Variants in RCOR1 observed in about 807,000 individuals in gnomAD.
RCOR1 encodes REST corepressor 1.
A neutral mutation model predicts 64.0 loss-of-function variants in RCOR1; 12 were observed. The ratio of observed to expected loss-of-function variants is 0.19; its 90% CI spans 0.12 to 0.30. The LOEUF (loss-of-function observed/expected upper bound fraction) is 0.30, where lower values mean the gene tolerates loss of function less well. Among genes scored for constraint, RCOR1 ranks in the 10% least tolerant of loss-of-function variants. The pLI, the probability that RCOR1 is intolerant of heterozygous loss-of-function variation, is 1.00. For synonymous variants in RCOR1, 279 were observed against 227.2 expected, an observed-to-expected ratio of 1.23 and a Z score of -2.05; for missense variants, 502 against 621.2, an observed-to-expected ratio of 0.81 and a Z score of 2.04.
At chr14:102,659,691 C>G (rs1282673316) in intron 2 of RCOR1, among the ~76,000 whole-genome samples, 1 of 152,130 alleles carries the variant, frequency 6.6e-6, no homozygotes. Context: ...TGACTTCTTG[C>G]AAGGGTAATG....
chr14:102,648,283 C>T (rs530654052), intron 2 of RCOR1, among the ~76,000 whole-genome samples: 19 of 152,164 alleles, frequency 1.2e-4, no homozygotes, highest in African/African-American at 3.6e-4. Context: ...TTCACCATGT[C>T]GGCGAGGCTG....
intron 2 of RCOR1, among the ~76,000 whole-genome samples, chr14:102,665,549 GCCTTTCTA>G (rs1049366419): frequency 2.6e-5 from 4 of 152,052 alleles, no homozygotes; most frequent in African/African-American, 9.7e-5. Context: ...TATTAAGGTG[GCCTTTCTA>G]ATTCTCATAG....
chr14:102,614,702 G>A (rs925310375), intron 2 of RCOR1, among the ~76,000 whole-genome samples: 1 of 152,010 alleles, frequency 6.6e-6, no homozygotes, highest in South Asian at 2.1e-4. Flanking sequence ...TGAGAGGTTG[G>A]GGGTGAGGCT....
At chr14:102,596,932 G>A (rs1245119508) in intron 2 of RCOR1, among the ~76,000 whole-genome samples, 6 of 149,420 alleles carry the variant, frequency 4.0e-5, no homozygotes, top group Non-Finnish European at 5.9e-5. Context: ...GAGTGCAATG[G>A]CACAATCTTG....
chr14:102,664,278 G>T lies in RCOR1; in HGVS notation c.362-17617G>T, dbSNP rs149511340. ...GAGCCACCACGCCCAGCTGGGTTTGGTTTTTTTTGCATTTTTAGTAGAGCC... is the reference window on the plus strand; with the variant it reads ...GAGCCACCACGCCCAGCTGGGTTTGTTTTTTTTTGCATTTTTAGTAGAGCC... On this transcript the variant is annotated intron_variant, in intron 2 of 11. Transcript: ENST00000262241. Among the ~76,000 whole-genome samples, 468 of 151,218 alleles carry T rather than the reference G, an allele frequency of 3.1e-3. 1 individual carries two copies. Among genetic ancestry groups the T allele is most frequent in the East Asian group, 8.5e-3 (44 of 5,156 alleles).
intron 4 of RCOR1, 61 bp from the exon 5 acceptor site, chr14:102,707,290 C>G: frequency 6.1e-5 from 79 of 1,288,908 alleles, no homozygotes; most frequent in East Asian, 7.9e-5. Flanking sequence ...TTTTGCTGGT[C>G]TCATTTCCAT....
At chr14:102,702,380 ATTAGCAAAGTATTGCTGGATCTCATC>A (rs1323884682) in intron 4 of RCOR1, among the ~76,000 whole-genome samples, 1 of 151,960 alleles carries the variant, frequency 6.6e-6, no homozygotes, top group African/African-American at 2.4e-5. Context: ...AAAAATTACC[ATTAGCAAAGTATTGCTGGATCTCATC>A]TTACCTCTTT....
chr14:102,707,596 C>A, intron 5 of RCOR1, 84 bp downstream of exon 5: 4 of 1,125,900 alleles, frequency 3.6e-6, no homozygotes, highest in Non-Finnish European at 5.1e-6. Flanking sequence ...GGATATCATA[C>A]TCAAACATAA....
chr14:102,653,915 A>ATTTTC (rs1416301408), intron 2 of RCOR1, among the ~76,000 whole-genome samples: 2 of 127,256 alleles, frequency 1.6e-5, no homozygotes, highest in Non-Finnish European at 3.3e-5. Context: ...CATCTCAGGT[A>ATTTTC]TTTCCTTCTT....
rs1595250862 is a variant in RCOR1, at chr14:102,729,792, A to G, written c.*3286A>G. ...CCAAAAATAAGCCAAACAGTGCATT[A>G]CGCTAACTGGATCCCTGCTTTTATG... is the stretch of plus-strand genomic sequence containing the variant. On this transcript the variant is annotated 3_prime_UTR_variant, in exon 12 of 12. Transcript: ENST00000262241. 1 of 399,082 alleles carries G rather than the reference A, an allele frequency of 2.5e-6. No individual in the cohort carries two copies. The highest frequency in any genetic ancestry group is 3.6e-5 in the East Asian group (1 of 28,088). The allele number at this position is 399,082 out of a possible 1,614,324, so 24.7% of individuals were successfully genotyped here. A position where few individuals can be genotyped will look rare whatever the true frequency, so the allele number is the denominator to read the frequency against.
At chr14:102,721,537 G>C (rs1421368308) in intron 10 of RCOR1, 160 bp downstream of exon 10, 2 of 439,542 alleles carry the variant, frequency 4.6e-6, no homozygotes, top group Non-Finnish European at 4.1e-6. Flanking sequence ...GACAACAGAG[G>C]GAGACCCTGA....
chr14:102,639,719 G>C (rs2139919667), intron 2 of RCOR1, among the ~76,000 whole-genome samples: 1 of 151,800 alleles, frequency 6.6e-6, no homozygotes, highest in Admixed American at 6.6e-5. Flanking sequence ...GTTTTGTGGA[G>C]ATGCAGTTTC....
intron 2 of RCOR1, among the ~76,000 whole-genome samples, chr14:102,617,570 G>A (rs1049889433): frequency 8.7e-5 from 13 of 148,882 alleles, no homozygotes; most frequent in Middle Eastern, 7.0e-3. Flanking sequence ...CCGGGGCAAC[G>A]AAGACACTGT....
chr14:102,681,164 G>A (rs192697404), intron 2 of RCOR1, among the ~76,000 whole-genome samples: 1 of 152,146 alleles, frequency 6.6e-6, no homozygotes, highest in Non-Finnish European at 1.5e-5. Flanking sequence ...TCCCCCTAGA[G>A]TTTAGGTTCC....
rs1730670428 is a variant in RCOR1, at chr14:102,592,672, G to A, written c.-215G>A. The A allele has an allele frequency of 1.2e-5, 15 of 1,228,130 alleles. No individual in the cohort carries two copies. Among genetic ancestry groups the A allele is most frequent in the East Asian group, 3.2e-5 (1 of 31,482 alleles). The allele number at this position is 1,228,130 out of a possible 1,614,324, so 76.1% of individuals were successfully genotyped here. On this transcript the variant is annotated 5_prime_UTR_variant, in exon 1 of 12. Coordinates refer to ENST00000262241, the MANE Select transcript of RCOR1 (RefSeq NM_015156.4). ...TTGGTGCCAGTGAAGTGAGGGCGGC[G>A]ATGAGAGCGAAAGTTGCGCTCGGCT...
chr14:102,722,123 CA>C (rs2139995535), intron 10 of RCOR1, 63 bp from the exon 11 acceptor site: 1 of 1,183,368 alleles, frequency 8.5e-7, no homozygotes, highest in East Asian at 2.4e-5. Context: ...AGGTAAGTGT[CA>C]CTTGTGGTTT....
At chr14:102,610,024 G>A (rs973571383) in intron 2 of RCOR1, among the ~76,000 whole-genome samples, 2 of 152,000 alleles carry the variant, frequency 1.3e-5, no homozygotes, top group African/African-American at 4.8e-5. Flanking sequence ...CAGCTACTCG[G>A]GAGGCTGAGG....
chr14:102,612,575 A>G lies in RCOR1; in HGVS notation c.361+19250A>G, dbSNP rs144295429. Among the ~76,000 whole-genome samples the G allele has an allele frequency of 4.3e-3, 654 of 151,942 alleles. 4 individuals carry two copies. Among genetic ancestry groups the G allele is most frequent in the Non-Finnish European group, 7.2e-3 (487 of 67,970 alleles). On this transcript the variant is annotated intron_variant, in intron 2 of 11. Transcript: ENST00000262241. ...GCTCTTGAACTCCTGGCTTCAAGCA[A>G]TCCACCTGCTTCGGCCTCCCAAAGT...
At chr14:102,715,157 C>T (rs1220432264) in intron 8 of RCOR1, among the ~76,000 whole-genome samples, 2 of 150,780 alleles carry the variant, frequency 1.3e-5, no homozygotes, top group African/African-American at 2.4e-5. Flanking sequence ...CAAGCTCTGC[C>T]TCCCCAGTTC....
Sources: allele counts gnomAD v4.1 joint callset (sites outside exome capture counted in the v4.1 genomes callset), GRCh38; gene constraint gnomAD v4.1.1; transcripts MANE v1.5; gene names NCBI Gene and HGNC (gene_info 2026-07-23, HGNC 2026-07-21).